The following DKK2 variants were observed in gnomAD, a reference collection of about 807,000 sequenced individuals.
DKK2 encodes dickkopf-related protein 2.
A neutral mutation model predicts 28.1 loss-of-function variants in DKK2; 11 were observed. The ratio of observed to expected loss-of-function variants is 0.39; its 90% CI spans 0.25 to 0.65. The LOEUF is 0.65. Among genes scored for constraint, DKK2 ranks in the 30% least tolerant of loss-of-function variants. DKK2 has a pLI of 0.47. For missense variants in DKK2, 326 were observed against 335.5 expected (o/e 0.97, Z 0.22); for synonymous variants, 135 against 126.5 (o/e 1.07, Z -0.45).
intron 1 of DKK2, among the ~76,000 whole-genome samples, chr4:107,014,099 A>G (rs755177097): frequency 3.3e-5 from 5 of 151,444 alleles, no homozygotes; most frequent in Non-Finnish European, 7.4e-5. Context: ...AAAATTAGCA[A>G]TAGAACTATG....
At chr4:106,983,379 A>G (rs1013304097) in intron 1 of DKK2, among the ~76,000 whole-genome samples, 6 of 149,144 alleles carry the variant, frequency 4.0e-5, no homozygotes, top group African/African-American at 1.5e-4. Flanking sequence ...AAGAAAGAAA[A>G]GAAAGAAAAG....
chr4:107,024,041 A>G (rs568221651), intron 1 of DKK2, among the ~76,000 whole-genome samples: 110 of 152,254 alleles, frequency 7.2e-4, no homozygotes, highest in African/African-American at 2.6e-3. Context: ...GACAAAATAT[A>G]TATCCTTTGT....
chr4:106,993,855 A>T (rs1331446388), intron 1 of DKK2, among the ~76,000 whole-genome samples: 1 of 152,172 alleles, frequency 6.6e-6, no homozygotes, highest in Non-Finnish European at 1.5e-5. Flanking sequence ...TTCATGCAAC[A>T]TTGCTAATGT....
At chr4:106,968,232 GAGACACAGCAGAGGC>G (rs879601981) in intron 1 of DKK2, among the ~76,000 whole-genome samples, 1 of 152,064 alleles carries the variant, frequency 6.6e-6, no homozygotes, top group Non-Finnish European at 1.5e-5. Flanking sequence ...ATCAGAGAGT[GAGACACAGCAGAGGC>G]ATAGGATTTA....
intron 1 of DKK2, among the ~76,000 whole-genome samples, chr4:106,995,326 G>C (rs148683042): frequency 1.3e-5 from 2 of 152,106 alleles, no homozygotes; most frequent in Admixed American, 1.3e-4. Flanking sequence ...AAATTTATAA[G>C]TTAAAATTAA....
At chr4:106,964,551 G>A (rs554204066) in intron 1 of DKK2, among the ~76,000 whole-genome samples, 4 of 152,112 alleles carry the variant, frequency 2.6e-5, no homozygotes, top group East Asian at 1.9e-4. Context: ...TTCTTGAGGC[G>A]ATGGATATCC....
chr4:106,994,481 C>G (rs1025366469), intron 1 of DKK2, among the ~76,000 whole-genome samples: 2 of 144,972 alleles, frequency 1.4e-5, no homozygotes, highest in Non-Finnish European at 3.0e-5. Context: ...CTCACACACA[C>G]ACATGTACAC....
chr4:106,942,521 C>A (rs1724715454), intron 1 of DKK2, among the ~76,000 whole-genome samples: 1 of 152,048 alleles, frequency 6.6e-6, no homozygotes, highest in Non-Finnish European at 1.5e-5. Context: ...GTCTGGCCTC[C>A]CATTCCAGTA....
At chr4:107,026,030 A>G (rs902523445) in intron 1 of DKK2, among the ~76,000 whole-genome samples, 3 of 152,222 alleles carry the variant, frequency 2.0e-5, no homozygotes, top group African/African-American at 4.8e-5. Flanking sequence ...ATTATAGTAC[A>G]TTGGGCAGAT....
intron 1 of DKK2, among the ~76,000 whole-genome samples, chr4:106,982,589 T>C (rs1045780639): frequency 6.6e-6 from 1 of 152,240 alleles, no homozygotes; most frequent in Non-Finnish European, 1.5e-5. Flanking sequence ...TTTAGGTATT[T>C]GGTAAATATG....
rs139707605 is a variant in DKK2, at chr4:106,991,346, G to A, written c.222+44024C>T. On this transcript the variant is annotated intron_variant, in intron 1 of 3. Coordinates refer to ENST00000285311, the MANE Select transcript of DKK2 (RefSeq NM_014421.3). ...GTTCCATCCCACTGCAGTAGAAATC[G>A]AGGTTTTCATCATGCTTCACTTCAT... Among the ~76,000 whole-genome samples the A allele has an allele frequency of 4.5e-4, 69 of 152,040 alleles. 1 individual carries two copies. Among genetic ancestry groups the A allele is most frequent in the African/African-American group, 1.3e-3 (52 of 41,466 alleles).
chr4:106,981,893 T>G (rs1257644148), intron 1 of DKK2, among the ~76,000 whole-genome samples: 1 of 152,160 alleles, frequency 6.6e-6, no homozygotes, highest in African/African-American at 2.4e-5. Flanking sequence ...AAATTATAAA[T>G]TTTTAGAAAT....
At chr4:106,998,596 G>A (rs1422570691) in intron 1 of DKK2, among the ~76,000 whole-genome samples, 2 of 152,102 alleles carry the variant, frequency 1.3e-5, no homozygotes, top group East Asian at 3.9e-4. Context: ...GCTTTCTTAT[G>A]TAAACGGAAT....
intron 1 of DKK2, among the ~76,000 whole-genome samples, chr4:106,942,827 C>T (rs982613490): frequency 1.3e-5 from 2 of 151,928 alleles, no homozygotes; most frequent in African/African-American, 4.8e-5. Context: ...GTTTAGTACG[C>T]TATATAAAAT....
rs1237214585 is a variant in DKK2 at position 107,036,130 on chromosome 4, A to G, written c.-539T>C. On this transcript the variant is annotated 5_prime_UTR_variant, in exon 1 of 4. Transcript: ENST00000285311. ...AGGCGCTTTAGTAGGGGATCAGGAG[A>G]CGTCCCCGGACCGAATCCTCGAGAT... 6.5e-6 allele frequency: 1 copy of G among 154,074 alleles called. No homozygotes were observed. The highest frequency in any genetic ancestry group is 2.4e-5 in the African/African-American group (1 of 41,418). The allele number at this position is 154,074 out of a possible 1,614,324, so 9.5% of individuals were successfully genotyped here.
intron 1 of DKK2, among the ~76,000 whole-genome samples, chr4:106,990,457 C>G (rs1723187657): frequency 6.6e-6 from 1 of 152,186 alleles, no homozygotes. Flanking sequence ...GATACACAAC[C>G]AACCTAGAAG....
chr4:106,959,462 G>A (rs1722654405), intron 1 of DKK2, among the ~76,000 whole-genome samples: 1 of 151,860 alleles, frequency 6.6e-6, no homozygotes, highest in Non-Finnish European at 1.5e-5. Context: ...GAGTCCATTT[G>A]AGGCATGCCA....
At chr4:107,011,738 G>A (rs1379790886) in intron 1 of DKK2, among the ~76,000 whole-genome samples, 1 of 151,044 alleles carries the variant, frequency 6.6e-6, no homozygotes, top group Non-Finnish European at 1.5e-5. Context: ...TATTTTGAGT[G>A]TGTTGATAAA....
At chr4:106,933,851 T>C (rs1578346913) in intron 1 of DKK2, among the ~76,000 whole-genome samples, 1 of 152,160 alleles carries the variant, frequency 6.6e-6, no homozygotes. Context: ...TTATGGTTGG[T>C]GAATATTTCT....
Sources: gnomAD v4.1 joint callset for allele counts (sites outside exome capture counted in the v4.1 genomes callset) on GRCh38, gnomAD v4.1.1 for gene constraint, MANE v1.5 for transcripts, NCBI Gene and HGNC (gene_info 2026-07-23, HGNC 2026-07-21) for gene names.